The following RPL35A variants were observed in gnomAD, a reference collection of about 807,000 sequenced individuals.
RPL35A encodes the protein large ribosomal subunit protein eL33.
Under a neutral mutation model 16.7 loss-of-function variants are expected in RPL35A, and 1 was observed. The observed-to-expected ratio is 0.06, with a 90% CI of 0.02 to 0.28. The LOEUF (loss-of-function observed/expected upper bound fraction) is 0.28. RPL35A is among the 10% of genes least tolerant of loss of function. The probability of loss-of-function intolerance (pLI) is 1.00; values close to 1 mark genes in which losing one functional copy is unlikely to be tolerated. For synonymous variants in RPL35A, 58 were observed against 47.0 expected (o/e 1.23, Z -0.96); for missense variants, 91 against 138.7 (o/e 0.66, Z 1.73).
rs191548683 is a variant in RPL35A, at chr3:197,954,751, G to A, written c.309+604G>A. ...TTGAACTCCTGAGCCCAAGTGATCTGCCCACCTTGGCCTCCCAGAGTGCTG... is the reference window on the plus strand; with the variant it reads ...TTGAACTCCTGAGCCCAAGTGATCTACCCACCTTGGCCTCCCAGAGTGCTG... On this transcript the variant is annotated intron_variant, in intron 4 of 4. Coordinates refer to ENST00000647248, the MANE Select transcript of RPL35A (RefSeq NM_000996.4). Among the ~76,000 whole-genome samples the A allele has an allele frequency of 2.6e-3, 391 of 152,224 alleles. 2 individuals carry two copies. The highest frequency in any genetic ancestry group is 4.1e-3 in the Non-Finnish European group (282 of 68,010).
At chr3:197,951,346 G>A in intron 3 of RPL35A, 35 bp downstream of exon 3, 1 of 1,607,654 alleles carries the variant, frequency 6.2e-7, no homozygotes, top group Non-Finnish European at 8.5e-7. Context: ...TTGGGTTTTT[G>A]AGATCTGCCT....
chr3:197,950,982 C>A lies in RPL35A; in HGVS notation c.11+4C>A, dbSNP rs779071104. ...TAAAAGGAACTATGTCTGGAAGGTA[C>A]GCGTTTTAAATATAGTTCTTTATTT... On this transcript the variant is annotated splice_donor_region_variant and intron_variant, in intron 2 of 4. Coordinates refer to ENST00000647248, the MANE Select transcript of RPL35A (RefSeq NM_000996.4). 6.2e-7 allele frequency: 1 copy of A among 1,613,194 alleles called. No homozygotes were observed. The highest frequency in any genetic ancestry group is 8.5e-7 in the Non-Finnish European group (1 of 1,179,164).
At chr3:197,955,658 AGCCTTTCAGAGATTTATCCGTATTAC>A in intron 4 of RPL35A, 66 bp from the exon 5 acceptor site, 1 of 1,115,716 alleles carries the variant, frequency 9.0e-7, no homozygotes, top group East Asian at 2.3e-5. Flanking sequence ...TGTAATTGGT[AGCCTTTCAGAGATTTATCCGTATTAC>A]GGTTCTTGAT....
In RPL35A at chr3:197,950,219, G is replaced by C; in HGVS notation, c.-35G>C. On this transcript the variant is annotated splice_region_variant and 5_prime_UTR_variant, in exon 1 of 5. Transcript: ENST00000647248. ...TCTTACCGCCATCTTGGCTCCTGTGGAGGTGAGTGAAGGGTCTGCTGCTGA... is the reference window on the plus strand; with the variant it reads ...TCTTACCGCCATCTTGGCTCCTGTGCAGGTGAGTGAAGGGTCTGCTGCTGA... The C allele has an allele frequency of 1.6e-6, 2 of 1,231,390 alleles. No individual in the cohort carries two copies. The highest frequency in any genetic ancestry group is 2.0e-6 in the Non-Finnish European group (2 of 987,890). 76.3% of individuals were successfully genotyped at this position (1,231,390 alleles called of 1,614,324 possible).
rs1720488152 is a variant in RPL35A at position 197,955,867 on chromosome 3, C to G, written c.*94C>G. ...CTACCTTAAATTGATTTGCTACATG[C>G]TTAAAATGATAGAGGTTGCTCAGCA... On this transcript the variant is annotated 3_prime_UTR_variant, in exon 5 of 5. Transcript: ENST00000647248. 9.3e-7 allele frequency: 1 copy of G among 1,073,562 alleles called. No individual in the cohort carries two copies. The highest frequency in any genetic ancestry group is 1.6e-5 in the African/African-American group (1 of 64,108). The allele number at this position is 1,073,562 out of a possible 1,614,324, so 66.5% of individuals were successfully genotyped here.
intron 3 of RPL35A, 118 bp downstream of exon 3, chr3:197,951,429 C>T (rs1720071587): frequency 9.0e-7 from 1 of 1,106,966 alleles, no homozygotes; most frequent in Non-Finnish European, 1.4e-6. Flanking sequence ...TCTCCCTCAC[C>T]GAAACCTCCG....
chr3:197,952,278 T>G (rs1411270465), intron 3 of RPL35A, among the ~76,000 whole-genome samples: 1 of 145,070 alleles, frequency 6.9e-6, no homozygotes, highest in Non-Finnish European at 1.5e-5. Flanking sequence ...CAAGGGATTC[T>G]CCTGCCTTAG....
chr3:197,954,182 G>T, intron 4 of RPL35A, 35 bp downstream of exon 4: 3 of 1,607,426 alleles, frequency 1.9e-6, no homozygotes, highest in Non-Finnish European at 2.6e-6. Flanking sequence ...GACGTCTGAT[G>T]AATCAGACTA....
rs537375578 is a variant in RPL35A, at chr3:197,950,870, C to T, written c.-32-66C>T. 247 of 1,498,302 alleles carry T rather than the reference C, an allele frequency of 1.6e-4. 1 individual carries two copies. Among genetic ancestry groups the T allele is most frequent in the South Asian group, 8.2e-4 (72 of 87,880 alleles). The allele number at this position is 1,498,302 out of a possible 1,614,324, so 92.8% of individuals were successfully genotyped here. A position where few individuals can be genotyped will look rare whatever the true frequency, so the allele number is the denominator to read the frequency against. ...AAGGAATTTGCTTTAGGGGCTTAAACGAGAGGGGACGAGGTGGGAAACTTG... is the reference window on the plus strand; with the variant it reads ...AAGGAATTTGCTTTAGGGGCTTAAATGAGAGGGGACGAGGTGGGAAACTTG... On this transcript the variant is annotated intron_variant, in intron 1 of 4. Transcript: ENST00000647248.
chr3:197,951,714 G>C (rs1560120877), intron 3 of RPL35A: 1 of 218,008 alleles, frequency 4.6e-6, no homozygotes, highest in East Asian at 1.2e-4. Context: ...TTGTTTTTTT[G>C]TTTTTGTGAC....
rs1021082495 is a variant in RPL35A, at chr3:197,950,639, G to C, written c.-32-297G>C. On this transcript the variant is annotated intron_variant, in intron 1 of 4. Transcript: ENST00000647248. ...TTTAAGGCTTCATTTCTTTTCCTGA[G>C]TGTTGCCTACTGATAACGGCATGCA... 7 of 465,138 alleles carry C rather than the reference G, an allele frequency of 1.5e-5. No homozygotes were observed. The East Asian group carries it at 2.7e-4, about 18-fold the overall frequency. The allele number at this position is 465,138 out of a possible 1,614,324, so 28.8% of individuals were successfully genotyped here.
rs900925768 is a variant in RPL35A at position 197,954,296 on chromosome 3, T to C, written c.309+149T>C. The C allele has an allele frequency of 7.6e-6, 6 of 788,294 alleles. No homozygotes were observed. In the African/African-American group the frequency reaches 8.7e-5, roughly 11 times the overall value. The allele number at this position is 788,294 out of a possible 1,614,324, so 48.8% of individuals were successfully genotyped here. A position where few individuals can be genotyped will look rare whatever the true frequency, so the allele number is the denominator to read the frequency against. On this transcript the variant is annotated intron_variant, in intron 4 of 4. Transcript: ENST00000647248. ...TGTGTATTGCAGAACACTGGAGAGA[T>C]AGTAATTGAAAGAATTAGGTGTTTG... is the stretch of plus-strand genomic sequence containing the variant.
rs534634131 is a variant in RPL35A, at chr3:197,950,797, T to C, written c.-32-139T>C. The C allele has an allele frequency of 2.1e-5, 15 of 704,882 alleles. No individual in the cohort carries two copies. In the South Asian group the frequency reaches 2.2e-4, roughly 10 times the overall value. The allele number at this position is 704,882 out of a possible 1,614,324, so 43.7% of individuals were successfully genotyped here. A position where few individuals can be genotyped will look rare whatever the true frequency, so the allele number is the denominator to read the frequency against. Reference sequence around the variant, plus strand: ...TGCCGGACCCTGCGTTTCATATGGATGTTCTGGCATTGTTGTCCCCGAACT... The same window carrying C: ...TGCCGGACCCTGCGTTTCATATGGACGTTCTGGCATTGTTGTCCCCGAACT... On this transcript the variant is annotated intron_variant, in intron 1 of 4. Transcript: ENST00000647248.
chr3:197,950,582 C>G (rs906141781), intron 1 of RPL35A: 2 of 347,156 alleles, frequency 5.8e-6, no homozygotes, highest in African/African-American at 4.2e-5. Flanking sequence ...CTCCCCCAGC[C>G]ATTGCATAAA....
intron 3 of RPL35A, 77 bp downstream of exon 3, chr3:197,951,388 C>T: frequency 6.6e-7 from 1 of 1,506,990 alleles, no homozygotes; most frequent in South Asian, 1.1e-5. Flanking sequence ...GAGTCTTGCT[C>T]TGTTGCCGAG....
chr3:197,954,424 C>T (rs984310840), intron 4 of RPL35A: 2 of 468,996 alleles, frequency 4.3e-6, no homozygotes, highest in African/African-American at 3.9e-5. Flanking sequence ...GCCTCGACCT[C>T]CTGGGTTCAA....
chr3:197,951,618 G>T (rs936312885), intron 3 of RPL35A: 1 of 380,372 alleles, frequency 2.6e-6, no homozygotes, highest in African/African-American at 2.1e-5. Flanking sequence ...CTCCCAAAGT[G>T]CTGAGATTAC....
intron 1 of RPL35A, 177 bp from the exon 2 acceptor site, chr3:197,950,759 G>A (rs1319084836): frequency 9.6e-6 from 6 of 623,420 alleles, no homozygotes; most frequent in Non-Finnish European, 1.7e-5. Context: ...TGTTCTCTGA[G>A]GTTTGAATGT....
chr3:197,952,850 T>G (rs915729099), intron 3 of RPL35A, among the ~76,000 whole-genome samples: 19 of 151,720 alleles, frequency 1.3e-4, no homozygotes, highest in African/African-American at 4.6e-4. Flanking sequence ...TTTTTTTTTT[T>G]GAGACAAAGT....
Sources: gnomAD v4.1 joint callset for allele counts (sites outside exome capture counted in the v4.1 genomes callset) on GRCh38, gnomAD v4.1.1 for gene constraint, MANE v1.5 for transcripts, NCBI Gene and HGNC (gene_info 2026-07-23, HGNC 2026-07-21) for gene names.